The following GALNT13 variants were observed in gnomAD, a reference collection of about 807,000 sequenced individuals.
The protein encoded by GALNT13 is UDP-GalNAc:polypeptide N-acetylgalactosaminyltransferase 13.
Under a neutral mutation model 64.2 loss-of-function variants are expected in GALNT13, and 28 were observed. The observed-to-expected ratio is 0.44, with a 90% confidence interval of 0.32 to 0.60. GALNT13 has a LOEUF of 0.60. Ranked by LOEUF, GALNT13 falls within the 20% of genes least tolerant of loss-of-function variation. The pLI, the probability that GALNT13 is intolerant of heterozygous loss-of-function variation, is 0.05. For missense variants in GALNT13, 577 were observed against 669.8 expected, an observed-to-expected ratio of 0.86 and a Z score of 1.53; for synonymous variants, 214 against 224.6, an observed-to-expected ratio of 0.95 and a Z score of 0.42.
the GALNT13 span, among the ~76,000 whole-genome samples, chr2:153,577,066 G>A: frequency 6.6e-6 from 1 of 152,092 alleles, no homozygotes; most frequent in South Asian, 2.1e-4. Flanking sequence ...GAAGTAAGAG[G>A]TCAAGATATT....
chr2:153,378,287 G>C, the GALNT13 span, among the ~76,000 whole-genome samples: 5 of 147,408 alleles, frequency 3.4e-5, no homozygotes, highest in Non-Finnish European at 7.4e-5. Context: ...TAGATAGATA[G>C]ATAGATAGAT....
chr2:154,401,642 T>A (rs2194379), intron 10 of GALNT13, among the ~76,000 whole-genome samples: 1 of 151,974 alleles, frequency 6.6e-6, no homozygotes, highest in Non-Finnish European at 1.5e-5. Flanking sequence ...AAATTCATTC[T>A]AATTTTATTA....
At chr2:153,845,523 A>C in the GALNT13 span, among the ~76,000 whole-genome samples, 1 of 152,200 alleles carries the variant, frequency 6.6e-6, no homozygotes, top group African/African-American at 2.4e-5. Context: ...TTCATGAGGG[A>C]TCTGTCCCCA....
At chr2:153,376,207 T>G in the GALNT13 span, among the ~76,000 whole-genome samples, 1 of 152,080 alleles carries the variant, frequency 6.6e-6, no homozygotes, top group African/African-American at 2.4e-5. Context: ...TAGGTAAAAC[T>G]GAGAGGAATG....
chr2:153,715,848 T>TC, the GALNT13 span, among the ~76,000 whole-genome samples: 1 of 151,440 alleles, frequency 6.6e-6, no homozygotes, highest in Admixed American at 6.6e-5. Flanking sequence ...TTTTTTTTTT[T>TC]CTGACTCATG....
At chr2:153,913,613 A>G (rs1186786206) in intron 2 of GALNT13, among the ~76,000 whole-genome samples, 1 of 152,156 alleles carries the variant, frequency 6.6e-6, no homozygotes, top group Non-Finnish European at 1.5e-5. Context: ...TGAAGGGTCC[A>G]TGGTGGTAGA....
At chr2:153,623,110 A>G in the GALNT13 span, among the ~76,000 whole-genome samples, 2 of 151,968 alleles carry the variant, frequency 1.3e-5, no homozygotes, top group Non-Finnish European at 2.9e-5. Context: ...ATTGAAATAG[A>G]CTCCTGAGAC....
At chr2:153,189,489 C>T in the GALNT13 span, among the ~76,000 whole-genome samples, 4 of 152,106 alleles carry the variant, frequency 2.6e-5, no homozygotes, top group African/African-American at 9.7e-5. Context: ...TTTTCTTTCT[C>T]CATTCATCAA....
intron 3 of GALNT13, among the ~76,000 whole-genome samples, chr2:153,945,413 G>C (rs1185885581): frequency 6.6e-6 from 1 of 151,984 alleles, no homozygotes. Flanking sequence ...TCTAAAATAT[G>C]TAAGAGTACT....
chr2:153,409,273 C>CATAT, the GALNT13 span, among the ~76,000 whole-genome samples: 4 of 126,046 alleles, frequency 3.2e-5, no homozygotes, highest in African/African-American at 9.1e-5. Context: ...AACTCCCTTT[C>CATAT]ATATATATAT....
At chr2:153,827,663 G>A in the GALNT13 span, among the ~76,000 whole-genome samples, 1 of 148,330 alleles carries the variant, frequency 6.7e-6, no homozygotes, top group Non-Finnish European at 1.5e-5. Flanking sequence ...TGGGAACACA[G>A]CCGAAGTATA....
At chr2:153,509,944 CTAAGTA>C in the GALNT13 span, among the ~76,000 whole-genome samples, 1 of 152,216 alleles carries the variant, frequency 6.6e-6, no homozygotes, top group South Asian at 2.1e-4. Context: ...ATTTTTACTA[CTAAGTA>C]TATTTTTATC....
chr2:153,661,794 ATTTG>A, the GALNT13 span, among the ~76,000 whole-genome samples: 1 of 152,146 alleles, frequency 6.6e-6, no homozygotes, highest in African/African-American at 2.4e-5. Flanking sequence ...ATACCTTTAT[ATTTG>A]TTCATGGTGT....
At chr2:153,423,323 T>C in the GALNT13 span, 2 of 151,864 alleles carry the variant, frequency 1.3e-5, no homozygotes. Flanking sequence ...GACTCCTTTA[T>C]AATATAAACT....
At chr2:153,409,081 T>G in the GALNT13 span, among the ~76,000 whole-genome samples, 1 of 152,126 alleles carries the variant, frequency 6.6e-6, no homozygotes. Context: ...ACACTAGTGG[T>G]TTACTAGGGG....
the GALNT13 span, among the ~76,000 whole-genome samples, chr2:153,474,815 TG>T: frequency 2.0e-5 from 3 of 152,244 alleles, no homozygotes; most frequent in Non-Finnish European, 4.4e-5. Flanking sequence ...AATCTGTCTC[TG>T]TCTCTCAGGG....
chr2:153,913,090 G>A (rs1278008500), intron 2 of GALNT13, among the ~76,000 whole-genome samples: 1 of 152,148 alleles, frequency 6.6e-6, no homozygotes, highest in Non-Finnish European at 1.5e-5. Flanking sequence ...GGGTGCTGGT[G>A]GGCGCAGGAC....
chr2:153,610,121 A>C, the GALNT13 span, among the ~76,000 whole-genome samples: 1 of 152,190 alleles, frequency 6.6e-6, no homozygotes, highest in East Asian at 1.9e-4. Flanking sequence ...TAGAGAAGAC[A>C]CATCAACAGC....
chr2:153,979,466 T>C (rs1163668776), intron 3 of GALNT13, among the ~76,000 whole-genome samples: 2 of 152,152 alleles, frequency 1.3e-5, no homozygotes, highest in Non-Finnish European at 2.9e-5. Context: ...GTTAAGGATC[T>C]GAGATTATGG....
Sources: gnomAD v4.1 joint callset for allele counts (sites outside exome capture counted in the v4.1 genomes callset) on GRCh38, gnomAD v4.1.1 for gene constraint, MANE v1.5 for transcripts, NCBI Gene and HGNC (gene_info 2026-07-23, HGNC 2026-07-21) for gene names.